THBS4: variants seen among roughly 807,000 people sequenced by gnomAD.
THBS4 encodes thrombospondin 4.
THBS4 carries 90 observed loss-of-function variants against 115.7 expected under a neutral mutation model. That is an observed-to-expected ratio of 0.78 (90% CI 0.66 to 0.93). The LOEUF is 0.93. THBS4 is among the 40% of genes least tolerant of loss of function. The pLI is 0.00. For synonymous variants in THBS4, 460 were observed against 479.3 expected (o/e 0.96, Z 0.53); for missense variants, 1,087 against 1,232.7 (o/e 0.88, Z 1.77).
At position 80,072,052 on chromosome 5, in the gene THBS4, A is replaced by G. The variant is rs1342425378; in HGVS notation, c.1721-226A>G. On this transcript the variant is annotated intron_variant, in intron 13 of 21. Transcript: ENST00000350881. ...CGTGGTTGCTATCATAGCCCTTGAC[A>G]TCTTGGACAAATTAGAATTCAGTCG... is the stretch of plus-strand genomic sequence containing the variant. 1.2e-5 allele frequency: 6 copies of G among 511,156 alleles called. No individual in the cohort carries two copies. The Admixed American group carries it at 1.9e-4, about 16-fold the overall frequency. The allele number at this position is 511,156 out of a possible 1,614,324, so 31.7% of individuals were successfully genotyped here.
chr5:80,032,966 G>A (rs549181067), upstream of THBS4, among the ~76,000 whole-genome samples: 68 of 152,220 alleles, frequency 4.5e-4, no homozygotes, highest in East Asian at 2.9e-3. Context: ...TGCTAGGATC[G>A]AAAATTCCTA....
At chr5:80,025,762 G>T (rs1341596707) in intron 2 of THBS4, among the ~76,000 whole-genome samples, 1 of 152,112 alleles carries the variant, frequency 6.6e-6, no homozygotes, top group Non-Finnish European at 1.5e-5. Flanking sequence ...GGTCCTCCAC[G>T]CGTTCCCCTT....
In THBS4 at chr5:80,073,189, A is replaced by G. The variant is rs548530635; in HGVS notation, c.1840-86A>G. On this transcript the variant is annotated intron_variant, in intron 14 of 21. Coordinates refer to ENST00000350881, the MANE Select transcript of THBS4 (RefSeq NM_003248.6). ...TCCAGAGAAATAATTCCCCAAATCC[A>G]ATGATGATGGGTGAGGTCTGCCTTC... is the stretch of plus-strand genomic sequence containing the variant. 6.5e-6 allele frequency: 9 copies of G among 1,380,828 alleles called. No homozygotes were observed. The African/African-American group carries it at 1.1e-4, about 17-fold the overall frequency. The allele number at this position is 1,380,828 out of a possible 1,614,324, so 85.5% of individuals were successfully genotyped here. A position where few individuals can be genotyped will look rare whatever the true frequency, so the allele number is the denominator to read the frequency against.
At chr5:80,005,291 G>T (rs1262445399) in intron 2 of THBS4, among the ~76,000 whole-genome samples, 3 of 152,020 alleles carry the variant, frequency 2.0e-5, no homozygotes, top group African/African-American at 7.2e-5. Flanking sequence ...TCATACATTT[G>T]CAAAAAGAAA....
intron 2 of THBS4, among the ~76,000 whole-genome samples, chr5:80,045,593 C>T (rs954957523): frequency 1.5e-4 from 22 of 148,432 alleles, no homozygotes; most frequent in Non-Finnish European, 2.7e-4. Flanking sequence ...TGCAATGGCG[C>T]GATCTTGGCT....
intron 2 of THBS4, among the ~76,000 whole-genome samples, chr5:80,001,243 C>T (rs1345677550): frequency 6.6e-6 from 1 of 150,762 alleles, no homozygotes; most frequent in East Asian, 1.9e-4. Context: ...TTTCTTTGCA[C>T]GTACTACATA....
intron 2 of THBS4, among the ~76,000 whole-genome samples, chr5:80,042,840 C>G (rs1216787798): frequency 1.3e-5 from 2 of 152,058 alleles, no homozygotes; most frequent in East Asian, 3.9e-4. Flanking sequence ...GCAGTATGTG[C>G]CTATAGTCAC....
intron 1 of THBS4, among the ~76,000 whole-genome samples, chr5:80,038,425 A>G (rs1580932708): frequency 2.0e-5 from 3 of 152,286 alleles, no homozygotes; most frequent in Admixed American, 2.0e-4. Flanking sequence ...AAGAATCAAA[A>G]TGTATTTAGC....
In THBS4 at chr5:80,076,985, C is replaced by T. The variant is rs1341327979; in HGVS notation, c.2023C>T (p.Leu675=). 1.2e-6 allele frequency: 2 copies of T among 1,613,416 alleles called. No individual in the cohort carries two copies. Among genetic ancestry groups the T allele is most frequent in the Non-Finnish European group, 1.7e-6 (2 of 1,179,808 alleles). Residue 675 remains leucine (L), a synonymous_variant, in exon 16 of 22, where the codon CTG becomes TTG. Transcript: ENST00000350881. ...DDDDNDGIPD[L]VPPGPDNCRL... ...TGATGACAATGATGGTATCCCAGAC[C>T]TGGTGCCCCCTGGACCAGACAACTG...
At chr5:79,994,711 C>T (rs750369227) in intron 1 of THBS4, among the ~76,000 whole-genome samples, 1 of 152,054 alleles carries the variant, frequency 6.6e-6, no homozygotes, top group Admixed American at 6.6e-5. Flanking sequence ...GAGGCTGAGG[C>T]GGGAGGATGG....
At chr5:80,078,593 TTAG>T (rs1743335248) in intron 17 of THBS4, among the ~76,000 whole-genome samples, 1 of 152,170 alleles carries the variant, frequency 6.6e-6, no homozygotes. Context: ...ACAGAGAGGC[TTAG>T]TAGATTTTCC....
At chr5:80,047,363 G>C (rs1197846730) in intron 2 of THBS4, among the ~76,000 whole-genome samples, 2 of 152,028 alleles carry the variant, frequency 1.3e-5, no homozygotes, top group Admixed American at 1.3e-4. Context: ...GCACCTATCT[G>C]GACCCCGTTT....
intron 16 of THBS4, among the ~76,000 whole-genome samples, chr5:80,077,846 C>T (rs1743290409): frequency 6.6e-6 from 1 of 152,164 alleles, no homozygotes; most frequent in Non-Finnish European, 1.5e-5. Context: ...CTGGCCTGGT[C>T]ACCCAGTACA....
chr5:80,009,939 C>T (rs1048784426), intron 2 of THBS4, among the ~76,000 whole-genome samples: 2 of 152,004 alleles, frequency 1.3e-5, no homozygotes, highest in Admixed American at 6.6e-5. Context: ...TCAAGACCAG[C>T]CCAGGCAACA....
At chr5:80,001,358 C>T (rs540112886) in intron 2 of THBS4, among the ~76,000 whole-genome samples, 65 of 152,280 alleles carry the variant, frequency 4.3e-4, no homozygotes, top group African/African-American at 1.4e-3. Context: ...GTATTATACT[C>T]GTTTTGCAGA....
chr5:79,996,002 T>C (rs998329260), intron 1 of THBS4, among the ~76,000 whole-genome samples: 1 of 149,030 alleles, frequency 6.7e-6, no homozygotes, highest in Admixed American at 6.7e-5. Flanking sequence ...CTGGATGTGG[T>C]GGCGCACACC....
chr5:80,027,838 G>A (rs1374153584), intron 2 of THBS4, among the ~76,000 whole-genome samples: 2 of 143,526 alleles, frequency 1.4e-5, no homozygotes, highest in Non-Finnish European at 3.0e-5. Flanking sequence ...AGGCTGCAGT[G>A]AGCCGAGGTC....
chr5:80,041,333 G>T (rs1371903212), intron 2 of THBS4, among the ~76,000 whole-genome samples: 3 of 152,054 alleles, frequency 2.0e-5, no homozygotes, highest in African/African-American at 7.2e-5. Context: ...TCTCCCAAAA[G>T]CCCCACCTCC....
At chr5:80,032,669 G>A (rs1832608067), upstream of THBS4, among the ~76,000 whole-genome samples, 2 of 152,192 alleles carry the variant, frequency 1.3e-5, no homozygotes, top group South Asian at 4.1e-4. Context: ...AATGTTTGCG[G>A]GCAGGAAGCA....
Sources: gnomAD v4.1 joint callset for allele counts (sites outside exome capture counted in the v4.1 genomes callset) on GRCh38, gnomAD v4.1.1 for gene constraint, MANE v1.5 for transcripts, NCBI Gene and HGNC (gene_info 2026-07-23, HGNC 2026-07-21) for gene names.